SNX9: variants seen among roughly 807,000 people sequenced by gnomAD.
SNX9 encodes the protein sorting nexin 9.
SNX9 carries 44 observed loss-of-function variants against 89.4 expected under a neutral mutation model. The ratio of observed to expected loss-of-function variants is 0.49; its 90% CI spans 0.39 to 0.63. The LOEUF is 0.63. Ranked by LOEUF, SNX9 falls within the 30% of genes least tolerant of loss-of-function variation. The probability of loss-of-function intolerance (pLI) is 0.00; values close to 1 mark genes in which losing one functional copy is unlikely to be tolerated. For missense variants in SNX9, 578 were observed against 736.1 expected (o/e 0.79, Z 2.49); for synonymous variants, 236 against 247.8 (o/e 0.95, Z 0.45).
rs1458433195 is a variant in SNX9 at position 157,823,838 on chromosome 6, C to T, written c.12+392C>T. ...GCTCTGTGGCGTCCGGCGTCCCCGC[C>T]GCCCCCACGTCCCCTCCCGCTGCCG... On this transcript the variant is annotated intron_variant, in intron 1 of 17. Transcript: ENST00000392185. The surrounding 1 kb of genome is among the most constrained non-coding windows in gnomAD (Gnocchi z 4.6). Among the ~76,000 whole-genome samples the T allele has an allele frequency of 6.6e-6, 1 of 151,966 alleles. No individual in the cohort carries two copies. Among genetic ancestry groups the T allele is most frequent in the African/African-American group, 2.4e-5 (1 of 41,402 alleles).
intron 1 of SNX9, among the ~76,000 whole-genome samples, chr6:157,849,769 G>A (rs985678095): frequency 1.3e-5 from 2 of 152,100 alleles, no homozygotes; most frequent in African/African-American, 4.8e-5. Flanking sequence ...TAGAAGGCTG[G>A]GGAATGCTGG....
At chr6:157,909,607 A>G (rs971670721) in intron 7 of SNX9, 58 bp from the exon 8 acceptor site, 19 of 1,597,100 alleles carry the variant, frequency 1.2e-5, no homozygotes, top group African/African-American at 2.7e-5. Flanking sequence ...ATTCACATCA[A>G]TTGTATTTAT....
intron 13 of SNX9, chr6:157,934,359 A>G (rs976597131): frequency 2.6e-5 from 4 of 152,248 alleles, no homozygotes; most frequent in Admixed American, 6.5e-5. Context: ...TGTTTTGTAC[A>G]GTTGACTTTG....
intron 1 of SNX9, among the ~76,000 whole-genome samples, chr6:157,861,026 CA>C (rs1265763303): frequency 6.6e-6 from 1 of 152,098 alleles, no homozygotes; most frequent in Non-Finnish European, 1.5e-5. Context: ...TTCAGAATAA[CA>C]GATATAAACC....
At chr6:157,935,307 T>C (rs1783900929) in intron 13 of SNX9, among the ~76,000 whole-genome samples, 1 of 152,154 alleles carries the variant, frequency 6.6e-6, no homozygotes, top group African/African-American at 2.4e-5. Flanking sequence ...CAGACAATGG[T>C]CATTCTAGGT....
rs1177648226 is a variant in SNX9 at position 157,844,587 on chromosome 6, G to GTTTTTTTTTT, written c.12+21144_12+21153dup. Among the ~76,000 whole-genome samples the GTTTTTTTTTT allele has an allele frequency of 6.2e-3, 802 of 130,164 alleles. 42 individuals carry two copies. Among genetic ancestry groups the GTTTTTTTTTT allele is most frequent in the African/African-American group, 0.016 (532 of 32,824 alleles). The allele number at this position is 130,164 out of a possible 152,430, so 85.4% of individuals were successfully genotyped here. ...ATTTTTAATCTTGTGGCTAATCCTTGTTTTTTTTTTTTGTTTTTTTTTTTG... is the reference window on the plus strand; with the variant it reads ...ATTTTTAATCTTGTGGCTAATCCTTGTTTTTTTTTTTTTTTTTTTTTTGTTTTTTTTTTTG... On this transcript the variant is annotated intron_variant, in intron 1 of 17. Transcript: ENST00000392185.
At chr6:157,853,495 T>C (rs552804084) in intron 1 of SNX9, among the ~76,000 whole-genome samples, 1 of 152,204 alleles carries the variant, frequency 6.6e-6, no homozygotes, top group South Asian at 2.1e-4. Flanking sequence ...TTTCACAAAT[T>C]GGAAATTTTT....
intron 1 of SNX9, among the ~76,000 whole-genome samples, chr6:157,849,036 C>G (rs1173234721): frequency 6.6e-6 from 1 of 152,130 alleles, no homozygotes; most frequent in African/African-American, 2.4e-5. Flanking sequence ...CACTTGAGCC[C>G]AGAAGTTTGA....
chr6:157,925,813 G>T (rs1783680007), intron 10 of SNX9, among the ~76,000 whole-genome samples: 1 of 152,054 alleles, frequency 6.6e-6, no homozygotes, highest in African/African-American at 2.4e-5. Context: ...CATTTGTGCT[G>T]CTGTAACAAA....
At chr6:157,926,655 G>A (rs138209355) in intron 10 of SNX9, among the ~76,000 whole-genome samples, 49 of 151,640 alleles carry the variant, frequency 3.2e-4, no homozygotes, top group Non-Finnish European at 5.6e-4. Flanking sequence ...GGTGGCATGC[G>A]CCTAAAGTCC....
At chr6:157,864,737 T>TA (rs1420183910) in intron 1 of SNX9, among the ~76,000 whole-genome samples, 1 of 152,080 alleles carries the variant, frequency 6.6e-6, no homozygotes, top group Non-Finnish European at 1.5e-5. Flanking sequence ...AATGTGTTTT[T>TA]AAAAAACACC....
intron 9 of SNX9, among the ~76,000 whole-genome samples, chr6:157,917,878 C>T (rs1396262399): frequency 2.6e-5 from 4 of 152,038 alleles, no homozygotes; most frequent in Admixed American, 2.0e-4. Context: ...GTGCAGAGAC[C>T]GTGGATACAG....
At position 157,937,504 on chromosome 6, in the gene SNX9, A is replaced by G. The variant is rs1452483673; in HGVS notation, c.1514A>G (p.Asp505Gly). The change falls in exon 15 of 18, where the codon GAC (aspartate) becomes GGC (glycine). Residue 505 changes from aspartate (D) to glycine (G), a missense_variant. Asp to Gly is a moderately conservative substitution (Grantham distance 94, BLOSUM62 -1). Around this residue, in one of 2 missense-constraint regions of SNX9, gnomAD observed 348 missense variants for 491.4 expected, o/e 0.71. Coordinates refer to ENST00000392185, the MANE Select transcript of SNX9 (RefSeq NM_016224.5). ...AAAGGTTTTCTTGGCTGCTTCCCTGACATCATTGGCACTCACAAGGTAACC... is the reference window on the plus strand; with the variant it reads ...AAAGGTTTTCTTGGCTGCTTCCCTGGCATCATTGGCACTCACAAGGTAACC... ...EYKGFLGCFP[D>G]IIGTHKGAIE... The G allele has an allele frequency of 1.2e-6, 2 of 1,613,620 alleles. No homozygotes were observed. The highest frequency in any genetic ancestry group is 1.7e-6 in the Non-Finnish European group (2 of 1,179,698).
chr6:157,942,652 G>A (rs1784066252), intron 17 of SNX9, 139 bp from the exon 18 acceptor site: 4 of 868,222 alleles, frequency 4.6e-6, no homozygotes, highest in Non-Finnish European at 7.2e-6. Context: ...GCAACGCGGG[G>A]CAGGGCTGGT....
At chr6:157,840,953 C>G (rs1050992196) in intron 1 of SNX9, among the ~76,000 whole-genome samples, 1 of 152,160 alleles carries the variant, frequency 6.6e-6, no homozygotes, top group Non-Finnish European at 1.5e-5. Flanking sequence ...TACTTGCAGA[C>G]TGCTGGATTT....
intron 4 of SNX9, among the ~76,000 whole-genome samples, chr6:157,880,521 C>T (rs76447003): frequency 2.8e-3 from 420 of 152,250 alleles, no homozygotes; most frequent in African/African-American, 9.7e-3. Context: ...CATCTTCAAC[C>T]GAATCACTTA....
In SNX9 at chr6:157,945,046, A is replaced by G. The variant is rs928598607; in HGVS notation, c.*2208A>G. The G allele has an allele frequency of 7.9e-5, 12 of 152,226 alleles. No homozygotes were observed. Among genetic ancestry groups the G allele is most frequent in the African/African-American group, 2.9e-4 (12 of 41,456 alleles). The allele number at this position is 152,226 out of a possible 1,614,324, so 9.4% of individuals were successfully genotyped here. On this transcript the variant is annotated 3_prime_UTR_variant, in exon 18 of 18. Transcript: ENST00000392185. The stretch of plus-strand genomic sequence containing the variant: ...TAGGTACCACAGAAGAGCTGTAGTC[A>G]TACAATCACATAACTTTTACAAATA...
At chr6:157,890,273 G>A (rs554788061) in intron 4 of SNX9, among the ~76,000 whole-genome samples, 2 of 151,974 alleles carry the variant, frequency 1.3e-5, no homozygotes, top group African/African-American at 2.4e-5. Context: ...CCCACCCCTC[G>A]TGGCCATTCT....
intron 1 of SNX9, among the ~76,000 whole-genome samples, chr6:157,829,742 G>A (rs946157334): frequency 1.3e-5 from 2 of 152,138 alleles, no homozygotes; most frequent in African/African-American, 4.8e-5. Flanking sequence ...TATTTCTAAT[G>A]TTAATGTGAT....
Sources: gnomAD v4.1 joint callset for allele counts (sites outside exome capture counted in the v4.1 genomes callset) on GRCh38, gnomAD v4.1.1 for gene constraint, gnomAD v4.1.1 regional missense constraint, Gnocchi (gnomAD v3.1) non-coding constraint, MANE v1.5 for transcripts, NCBI Gene and HGNC (gene_info 2026-07-23, HGNC 2026-07-21) for gene names.